PHF24: variants seen among roughly 807,000 people sequenced by gnomAD.
PHF24 encodes the protein PHD finger protein 24, also known as Galpha inhibitory interacting protein.
PHF24 carries 25 observed loss-of-function variants against 42.6 expected under a neutral mutation model. The ratio of observed to expected loss-of-function variants is 0.59; its 90% CI spans 0.43 to 0.82. The LOEUF (loss-of-function observed/expected upper bound fraction) is 0.82. PHF24 is among the 40% of genes least tolerant of loss of function. The pLI, the probability that PHF24 is intolerant of heterozygous loss-of-function variation, is 0.00. For synonymous variants in PHF24, 185 were observed against 204.8 expected (o/e 0.90, Z 0.83); for missense variants, 470 against 538.1 (o/e 0.87, Z 1.25).
chr9:34,858,336 T>G, the PHF24 span, among the ~76,000 whole-genome samples: 1 of 152,132 alleles, frequency 6.6e-6, no homozygotes, highest in Admixed American at 6.5e-5. Context: ...ATGGCATGGT[T>G]GTTTGGGGAG....
chr9:34,918,188 A>T, the PHF24 span: 3 of 1,456,580 alleles, frequency 2.1e-6, no homozygotes, highest in East Asian at 6.8e-5. Flanking sequence ...GTTACTTTGA[A>T]GACCATCACC....
chr9:34,874,244 T>C, the PHF24 span, among the ~76,000 whole-genome samples: 1 of 152,182 alleles, frequency 6.6e-6, no homozygotes, highest in African/African-American at 2.4e-5. Context: ...TGAATAGGAA[T>C]GGTGAGAGAG....
chr9:34,678,686 AGT>A, the PHF24 span, among the ~76,000 whole-genome samples: 6 of 151,610 alleles, frequency 4.0e-5, no homozygotes, highest in African/African-American at 1.5e-4. Flanking sequence ...GCTGGAGTGC[AGT>A]GACACGATCT....
intron 1 of PHF24, among the ~76,000 whole-genome samples, chr9:34,960,718 A>C (rs1480222850): frequency 1.3e-5 from 2 of 152,194 alleles, no homozygotes; most frequent in African/African-American, 2.4e-5. Flanking sequence ...GCTCTCCCCT[A>C]ATCTTGGACC....
the PHF24 span, among the ~76,000 whole-genome samples, chr9:34,714,420 A>G: frequency 3.3e-5 from 5 of 152,306 alleles, no homozygotes; most frequent in South Asian, 1.0e-3. Flanking sequence ...GATAATTCCG[A>G]AGTCATATTA....
chr9:34,677,092 G>A, the PHF24 span, among the ~76,000 whole-genome samples: 104 of 152,204 alleles, frequency 6.8e-4, no homozygotes, highest in African/African-American at 1.9e-3. Flanking sequence ...GCTTGTCTTC[G>A]TCTTCTCCCC....
At chr9:34,878,483 G>A in the PHF24 span, among the ~76,000 whole-genome samples, 1 of 152,226 alleles carries the variant, frequency 6.6e-6, no homozygotes, top group East Asian at 1.9e-4. Context: ...AGCCGTGACA[G>A]ACAGTAGCTG....
the PHF24 span, among the ~76,000 whole-genome samples, chr9:34,696,854 C>G: frequency 2.0e-5 from 3 of 152,164 alleles, no homozygotes; most frequent in East Asian, 5.8e-4. Flanking sequence ...AAAAGGCATG[C>G]CTTTTTCCCT....
At chr9:34,922,181 C>T in the PHF24 span, 8 of 1,585,630 alleles carry the variant, frequency 5.0e-6, no homozygotes, top group South Asian at 1.1e-5. Flanking sequence ...GTTGGAAGGC[C>T]GGTTAATTTT....
At chr9:34,762,128 G>A in the PHF24 span, among the ~76,000 whole-genome samples, 10 of 152,286 alleles carry the variant, frequency 6.6e-5, no homozygotes, top group Admixed American at 1.3e-4. Context: ...CCGAGTCTTT[G>A]CTATTGTGAA....
the PHF24 span, chr9:34,917,701 C>T: frequency 1.5e-5 from 12 of 787,802 alleles, no homozygotes; most frequent in Admixed American, 3.4e-5. Context: ...GCAGGGACAT[C>T]GTGGAGGCTC....
the PHF24 span, among the ~76,000 whole-genome samples, chr9:34,687,834 G>A: frequency 3.9e-5 from 6 of 152,354 alleles, no homozygotes; most frequent in East Asian, 1.2e-3. Flanking sequence ...CCACAGCTGG[G>A]AGACCTAGAA....
chr9:34,967,965 G>C (rs1826837816), intron 1 of PHF24, among the ~76,000 whole-genome samples: 1 of 152,074 alleles, frequency 6.6e-6, no homozygotes, highest in South Asian at 2.1e-4. Flanking sequence ...TAGAACAGGG[G>C]ACCCAAAACA....
the PHF24 span, among the ~76,000 whole-genome samples, chr9:34,808,646 A>G: frequency 6.6e-6 from 1 of 152,086 alleles, no homozygotes; most frequent in Non-Finnish European, 1.5e-5. Flanking sequence ...TCTACTTCCA[A>G]GATGGTGCCT....
At chr9:34,794,211 G>A in the PHF24 span, among the ~76,000 whole-genome samples, 1 of 152,032 alleles carries the variant, frequency 6.6e-6, no homozygotes, top group Admixed American at 6.6e-5. Flanking sequence ...AGCACTTGGT[G>A]GTGCACATGC....
At chr9:34,690,837 T>C in the PHF24 span, among the ~76,000 whole-genome samples, 3 of 152,270 alleles carry the variant, frequency 2.0e-5, no homozygotes, top group East Asian at 5.8e-4. Flanking sequence ...AAATAGAGCT[T>C]GCAGAGACAG....
chr9:34,829,784 A>C, the PHF24 span, among the ~76,000 whole-genome samples: 18 of 152,326 alleles, frequency 1.2e-4, no homozygotes, highest in Admixed American at 2.6e-4. Flanking sequence ...GTAAAAATAG[A>C]GGAAAGGGGG....
chr9:34,783,573 A>G, the PHF24 span, among the ~76,000 whole-genome samples: 1 of 152,214 alleles, frequency 6.6e-6, no homozygotes, highest in Non-Finnish European at 1.5e-5. Flanking sequence ...CAAAATCTGA[A>G]TAAATCAAAT....
At chr9:34,722,342 A>G in the PHF24 span, among the ~76,000 whole-genome samples, 2 of 152,240 alleles carry the variant, frequency 1.3e-5, no homozygotes, top group Non-Finnish European at 2.9e-5. Context: ...ATAACTGGAA[A>G]GATGGAGCTG....
Sources: gnomAD v4.1 joint callset for allele counts (sites outside exome capture counted in the v4.1 genomes callset) on GRCh38, gnomAD v4.1.1 for gene constraint, MANE v1.5 for transcripts, NCBI Gene and HGNC (gene_info 2026-07-23, HGNC 2026-07-21) for gene names.